Variants in FGD1 observed in about 807,000 individuals in gnomAD.
The protein encoded by FGD1 is FYVE, RhoGEF and PH domain containing 1.
A neutral mutation model predicts 65.0 loss-of-function variants in FGD1; 12 were observed. The observed-to-expected ratio is 0.18, with a 90% confidence interval of 0.12 to 0.30. FGD1 has a LOEUF of 0.30. FGD1 is among the 10% of genes least tolerant of loss of function. The pLI is 1.00. For synonymous variants in FGD1, 333 were observed against 343.9 expected, an observed-to-expected ratio of 0.97 and a Z score of 0.35; for missense variants, 542 against 837.6, an observed-to-expected ratio of 0.65 and a Z score of 4.36.
chrX:54,462,707 A>T (rs1197732178), intron 8 of FGD1, among the ~76,000 whole-genome samples: 1 of 103,926 alleles, frequency 9.6e-6, no homozygotes, highest in Admixed American at 1.0e-4. Flanking sequence ...CCCCATTCTT[A>T]TGGCTTTTAG....
intron 1 of FGD1, among the ~76,000 whole-genome samples, chrX:54,472,779 C>T (rs1183556364): frequency 9.0e-6 from 1 of 111,144 alleles, no homozygotes; most frequent in Admixed American, 9.7e-5. Context: ...ACAAAAACCC[C>T]TTGCATAGGG....
chrX:54,460,309 G>A (rs750569561), intron 8 of FGD1, among the ~76,000 whole-genome samples: 1 of 110,764 alleles, frequency 9.0e-6, no homozygotes, highest in East Asian at 2.8e-4. Context: ...GCATGGTGGT[G>A]TGTGCCTGTA....
In FGD1 at chrX:54,495,529, G is replaced by T. The variant is rs1261559487; in HGVS notation, c.-97C>A. The T allele has an allele frequency of 6.6e-6, 4 of 610,593 alleles. No individual in the cohort carries two copies. The highest frequency in any genetic ancestry group is 2.4e-5 in the African/African-American group (1 of 41,943). The allele number at this position is 610,593 out of a possible 1,213,427, so 50.3% of individuals were successfully genotyped here. On this transcript the variant is annotated 5_prime_UTR_variant, in exon 1 of 18. Coordinates refer to ENST00000375135, the MANE Select transcript of FGD1 (RefSeq NM_004463.3). ...GAGGCCCGGCGCCCGGCGGAGCAGC[G>T]GCCTCAGGATCGGGGGGCGGGACTG...
intron 1 of FGD1, among the ~76,000 whole-genome samples, chrX:54,473,735 A>G (rs1247465629): frequency 8.9e-6 from 1 of 112,237 alleles, no homozygotes; most frequent in Non-Finnish European, 1.9e-5. Flanking sequence ...CTGTGATCCC[A>G]GCACTTTGGG....
intron 8 of FGD1, among the ~76,000 whole-genome samples, chrX:54,457,433 A>G (rs1922528753): frequency 8.9e-6 from 1 of 111,808 alleles, no homozygotes; most frequent in African/African-American, 3.2e-5. Flanking sequence ...GTGGGAAACA[A>G]AAATGTCCAT....
At chrX:54,464,086 C>T (rs897486808) in intron 8 of FGD1, among the ~76,000 whole-genome samples, 5 of 107,777 alleles carry the variant, frequency 4.6e-5, no homozygotes, top group African/African-American at 1.7e-4. Flanking sequence ...CCTGGCATCC[C>T]GAGTAGCTGG....
At chrX:54,469,361 G>A (rs1011531463) in intron 4 of FGD1, among the ~76,000 whole-genome samples, 3 of 112,055 alleles carry the variant, frequency 2.7e-5, no homozygotes, top group Non-Finnish European at 5.6e-5. Flanking sequence ...ATTGGTAATG[G>A]AGACAATTAG....
At chrX:54,494,402 CTTTTTTTT>C (rs56235590) in intron 1 of FGD1, among the ~76,000 whole-genome samples, 8 of 60,741 alleles carry the variant, frequency 1.3e-4, no homozygotes, top group Admixed American at 7.0e-4. Flanking sequence ...CACCGTCTTT[CTTTTTTTT>C]TTTTTTTTTT....
At chrX:54,479,731 C>A (rs1446779287) in intron 1 of FGD1, among the ~76,000 whole-genome samples, 1 of 103,049 alleles carries the variant, frequency 9.7e-6, no homozygotes, top group African/African-American at 3.6e-5. Flanking sequence ...AAGGAAAGTG[C>A]CTTTTGGGAA....
At chrX:54,455,390 C>T in intron 12 of FGD1, 58 bp downstream of exon 12, 4 of 923,846 alleles carry the variant, frequency 4.3e-6, no homozygotes, top group Non-Finnish European at 6.3e-6. Flanking sequence ...AATGCCTCAG[C>T]ATATCTGAAC....
Position 54,446,319 on chromosome X carries a change from G to T in FGD1, c.2676C>A (p.Ile892=). The T allele has an allele frequency of 8.3e-7, 1 of 1,211,274 alleles. No homozygotes were observed. The highest frequency in any genetic ancestry group is 1.1e-6 in the Non-Finnish European group (1 of 895,103). Residue 892 remains isoleucine (I), a synonymous_variant, in exon 18 of 18, where the codon ATC becomes ATA. Transcript: ENST00000375135. ...AGTACCAGCTGAGGTGGCTCTGGGTGATCTTGAAGACATGCCTTCTGTCAG... is the reference window on the plus strand; with the variant it reads ...AGTACCAGCTGAGGTGGCTCTGGGTTATCTTGAAGACATGCCTTCTGTCAG... ...ERPDRRHVFK[I]TQSHLSWYFS... is the part of the protein sequence containing the mutation.
intron 1 of FGD1, among the ~76,000 whole-genome samples, chrX:54,487,065 G>C (rs1172799550): frequency 9.4e-6 from 1 of 106,809 alleles, no homozygotes; most frequent in Non-Finnish European, 1.9e-5. Flanking sequence ...GAGTGCAGTG[G>C]TGCAATTTTG....
At chrX:54,464,693 C>T (rs1922722191) in intron 8 of FGD1, among the ~76,000 whole-genome samples, 1 of 110,660 alleles carries the variant, frequency 9.0e-6, no homozygotes, top group African/African-American at 3.3e-5. Flanking sequence ...CTGGAGGAAT[C>T]GGGATAGAAG....
At chrX:54,449,578 G>C in intron 14 of FGD1, 81 bp downstream of exon 14, 2 of 666,196 alleles carry the variant, frequency 3.0e-6, no homozygotes, top group Non-Finnish European at 4.9e-6. Flanking sequence ...AGGAAAGGGA[G>C]AGGATCATCT....
At chrX:54,470,798 A>T in intron 2 of FGD1, 38 bp from the exon 3 acceptor site, 1 of 729,747 alleles carries the variant, frequency 1.4e-6, no homozygotes, top group Non-Finnish European at 2.0e-6. Context: ...GGGAGACATC[A>T]GTGAGCTGGA....
At chrX:54,485,982 C>T (rs1164775714) in intron 1 of FGD1, among the ~76,000 whole-genome samples, 7 of 110,310 alleles carry the variant, frequency 6.3e-5, no homozygotes, top group Non-Finnish European at 1.9e-5. Context: ...ACCATGTTGG[C>T]CAGGATGGTC....
intron 8 of FGD1, 88 bp downstream of exon 8, chrX:54,465,363 G>T: frequency 9.7e-7 from 1 of 1,026,239 alleles, no homozygotes; most frequent in South Asian, 2.3e-5. Context: ...CCGACCCTGT[G>T]AATTAAGTCT....
intron 1 of FGD1, among the ~76,000 whole-genome samples, chrX:54,486,901 T>C (rs980550131): frequency 9.4e-6 from 1 of 106,544 alleles, no homozygotes; most frequent in Non-Finnish European, 2.0e-5. Context: ...GCAGGAGAAT[T>C]GCTTGAACGG....
At chrX:54,471,259 C>T in intron 2 of FGD1, 55 bp downstream of exon 2, 1 of 1,168,356 alleles carries the variant, frequency 8.6e-7, no homozygotes. Context: ...TAACTTCTCC[C>T]CTCCTCTGTA....
Sources: gnomAD v4.1 joint callset for allele counts (sites outside exome capture counted in the v4.1 genomes callset) on GRCh38, gnomAD v4.1.1 for gene constraint, MANE v1.5 for transcripts, NCBI Gene and HGNC (gene_info 2026-07-23, HGNC 2026-07-21) for gene names.